The following RANBP3 variants were observed in gnomAD, a reference collection of about 807,000 sequenced individuals.
RANBP3 encodes ran-binding protein 3.
In RANBP3, 14 loss-of-function variants were observed where a neutral mutation model predicts 77.3. The ratio of observed to expected loss-of-function variants is 0.18; its 90% CI spans 0.12 to 0.28. The LOEUF (loss-of-function observed/expected upper bound fraction) is 0.28, where lower values mean the gene tolerates loss of function less well. Ranked by LOEUF, RANBP3 falls within the 10% of genes least tolerant of loss-of-function variation. The pLI is 1.00. For missense variants in RANBP3, 586 were observed against 752.3 expected, an observed-to-expected ratio of 0.78 and a Z score of 2.59; for synonymous variants, 315 against 312.4, an observed-to-expected ratio of 1.01 and a Z score of -0.09.
chr19:5,957,678 A>T (rs2058351657), intron 2 of RANBP3, among the ~76,000 whole-genome samples: 1 of 152,030 alleles, frequency 6.6e-6, no homozygotes, highest in Non-Finnish European at 1.5e-5. Context: ...ATACCGTTTC[A>T]ACAAACTGTA....
chr19:5,951,280 A>G, intron 3 of RANBP3, 113 bp downstream of exon 3: 1 of 993,146 alleles, frequency 1.0e-6, no homozygotes, highest in Non-Finnish European at 1.6e-6. Flanking sequence ...TTAAGTTACC[A>G]TTAGCTGCTT....
chr19:5,963,650 C>A (rs969425099), intron 1 of RANBP3, among the ~76,000 whole-genome samples: 1 of 152,192 alleles, frequency 6.6e-6, no homozygotes, highest in Non-Finnish European at 1.5e-5. Flanking sequence ...CACAATGAGG[C>A]CTGAGAATGA....
At chr19:5,947,852 C>T (rs2058226828) in intron 3 of RANBP3, among the ~76,000 whole-genome samples, 1 of 152,152 alleles carries the variant, frequency 6.6e-6, no homozygotes. Flanking sequence ...TCACTAAATA[C>T]AAGACAGAGG....
Position 5,921,438 on chromosome 19 carries a change from G to A in RANBP3, c.1210-117C>T, listed in dbSNP as rs1372802226. ...GCCAGGGCCAGCCAACGACGGCCTG[G>A]GGGCCACCTTGGTCAGTTTTTTGTC... On this transcript the variant is annotated intron_variant, in intron 13 of 16. Transcript: ENST00000340578. This position sits in a 1 kb window ranked among gnomAD's most constrained non-coding sequence, Gnocchi z 5.3. 3 of 1,389,678 alleles carry A rather than the reference G, an allele frequency of 2.2e-6. No homozygotes were observed. Among genetic ancestry groups the A allele is most frequent in the Admixed American group, 2.1e-5 (1 of 47,474 alleles). The allele number at this position is 1,389,678 out of a possible 1,614,324, so 86.1% of individuals were successfully genotyped here.
chr19:5,960,696 G>T (rs1366336841), intron 1 of RANBP3, among the ~76,000 whole-genome samples: 1 of 152,236 alleles, frequency 6.6e-6, no homozygotes, highest in Non-Finnish European at 1.5e-5. Context: ...GATGGGAGAG[G>T]AGTGCGCGCT....
At chr19:5,948,236 G>T (rs1215491380) in intron 3 of RANBP3, among the ~76,000 whole-genome samples, 2 of 152,168 alleles carry the variant, frequency 1.3e-5, no homozygotes, top group Non-Finnish European at 2.9e-5. Flanking sequence ...GGATCACAAG[G>T]TCAGGAGATT....
chr19:5,967,350 A>G (rs1481314695), intron 1 of RANBP3, among the ~76,000 whole-genome samples: 1 of 152,240 alleles, frequency 6.6e-6, no homozygotes, highest in Non-Finnish European at 1.5e-5. Context: ...TCATCTTGGC[A>G]TTACCTTCAA....
At chr19:5,966,811 T>C (rs999384735) in intron 1 of RANBP3, among the ~76,000 whole-genome samples, 13 of 152,224 alleles carry the variant, frequency 8.5e-5, no homozygotes, top group Admixed American at 3.9e-4. Context: ...TAGAAAGCAA[T>C]TGAGAACTCC....
chr19:5,976,029 G>A (rs953249294), intron 1 of RANBP3, among the ~76,000 whole-genome samples: 2 of 152,110 alleles, frequency 1.3e-5, no homozygotes, highest in African/African-American at 2.4e-5. Flanking sequence ...AAGCATTGAC[G>A]GTGTTGGTGG....
intron 16 of RANBP3, 64 bp from the exon 17 acceptor site, chr19:5,917,717 G>C (rs1035269704): frequency 6.3e-7 from 1 of 1,587,772 alleles, no homozygotes; most frequent in African/African-American, 1.3e-5. Flanking sequence ...GGCCACCCCC[G>C]CCAGGAGATC....
intron 9 of RANBP3, among the ~76,000 whole-genome samples, chr19:5,926,059 C>G (rs925747693): frequency 6.6e-5 from 10 of 152,168 alleles, no homozygotes; most frequent in Non-Finnish European, 1.3e-4. Context: ...AATAACACAA[C>G]GTTACAAAGC....
At chr19:5,951,649 C>A in intron 2 of RANBP3, 53 bp from the exon 3 acceptor site, 1 of 1,527,544 alleles carries the variant, frequency 6.5e-7, no homozygotes. Flanking sequence ...CTGCATCACA[C>A]AGCAGGAAGG....
At chr19:5,949,419 C>T (rs1395426626) in intron 3 of RANBP3, among the ~76,000 whole-genome samples, 3 of 152,226 alleles carry the variant, frequency 2.0e-5, no homozygotes, top group Non-Finnish European at 4.4e-5. Flanking sequence ...GTGTTCTCTG[C>T]AGACAGCCTG....
chr19:5,917,705 C>G lies in RANBP3; in HGVS notation c.1661-52G>C, dbSNP rs1027755556. On this transcript the variant is annotated intron_variant, in intron 16 of 16. Coordinates refer to ENST00000340578, the MANE Select transcript of RANBP3 (RefSeq NM_007322.3). ...AGGATGGAGCCCGCACTTCCCAGGT[C>G]TGGCCACCCCCGCCAGGAGATCAGC... is the stretch of plus-strand genomic sequence containing the variant. 3.1e-6 allele frequency: 5 copies of G among 1,592,262 alleles called. No homozygotes were observed. In the African/African-American group the frequency reaches 6.7e-5, roughly 21 times the overall value.
chr19:5,926,529 C>T (rs540656288), intron 9 of RANBP3, among the ~76,000 whole-genome samples: 2 of 151,960 alleles, frequency 1.3e-5, no homozygotes, highest in East Asian at 3.9e-4. Context: ...CCAGCCTGGG[C>T]GACACAGCAA....
At position 5,923,186 on chromosome 19, in the gene RANBP3, C is replaced by A; in HGVS notation, c.1209+8G>T. The A allele has an allele frequency of 6.2e-7, 1 of 1,612,980 alleles. No homozygotes were observed. Among genetic ancestry groups the A allele is most frequent in the Non-Finnish European group, 8.5e-7 (1 of 1,179,004 alleles). On this transcript the variant is annotated splice_region_variant and intron_variant, in intron 13 of 16. Coordinates refer to ENST00000340578, the MANE Select transcript of RANBP3 (RefSeq NM_007322.3). ...CCCAGGGCCACCGAGGAGGGGCCGGCCCCTCACCTGTAACACATTGCTCTC... is the reference window on the plus strand; with the variant it reads ...CCCAGGGCCACCGAGGAGGGGCCGGACCCTCACCTGTAACACATTGCTCTC...
At chr19:5,953,981 A>G (rs1017144675) in intron 2 of RANBP3, among the ~76,000 whole-genome samples, 1 of 152,194 alleles carries the variant, frequency 6.6e-6, no homozygotes, top group African/African-American at 2.4e-5. Flanking sequence ...CACGGTCCCA[A>G]TCCGTAGTGT....
At chr19:5,945,875 C>A (rs1281015389) in intron 3 of RANBP3, among the ~76,000 whole-genome samples, 2 of 152,056 alleles carry the variant, frequency 1.3e-5, no homozygotes, top group Non-Finnish European at 2.9e-5. Context: ...GTGGTGCCCC[C>A]AGGCATTCTG....
intron 3 of RANBP3, among the ~76,000 whole-genome samples, chr19:5,945,689 C>T (rs1469528048): frequency 6.6e-6 from 1 of 152,134 alleles, no homozygotes; most frequent in African/African-American, 2.4e-5. Context: ...CAGTTCTGTC[C>T]GTTTTTGCTT....
Sources: allele counts gnomAD v4.1 joint callset (sites outside exome capture counted in the v4.1 genomes callset), GRCh38; gene constraint gnomAD v4.1.1; non-coding constraint Gnocchi (gnomAD v3.1); transcripts MANE v1.5; gene names NCBI Gene and HGNC (gene_info 2026-07-23, HGNC 2026-07-21).